NR3C1: variants seen among roughly 807,000 people sequenced by gnomAD.
The protein encoded by NR3C1 is nuclear receptor subfamily 3 group C member 1.
NR3C1 carries 14 observed loss-of-function variants against 74.0 expected under a neutral mutation model. The ratio of observed to expected loss-of-function variants is 0.19; its 90% CI spans 0.12 to 0.30. The LOEUF is 0.30. NR3C1 is among the 10% of genes least tolerant of loss of function. The pLI is 1.00. For synonymous variants in NR3C1, 308 were observed against 332.5 expected (o/e 0.93, Z 0.80); for missense variants, 695 against 909.8 (o/e 0.76, Z 3.04).
chr5:143,388,169 G>A (rs1433574891), intron 2 of NR3C1, among the ~76,000 whole-genome samples: 2 of 152,134 alleles, frequency 1.3e-5, no homozygotes, highest in Non-Finnish European at 2.9e-5. Context: ...AAGAAATTAT[G>A]AAAAGCAATC....
At chr5:143,350,270 G>A (rs1829998385) in intron 2 of NR3C1, among the ~76,000 whole-genome samples, 1 of 152,146 alleles carries the variant, frequency 6.6e-6, no homozygotes, top group Admixed American at 6.5e-5. Context: ...TCAAGATGAT[G>A]ATGCAGTCAT....
At chr5:143,385,389 G>C (rs1837011756) in intron 2 of NR3C1, among the ~76,000 whole-genome samples, 1 of 152,162 alleles carries the variant, frequency 6.6e-6, no homozygotes, top group African/African-American at 2.4e-5. Flanking sequence ...CCAGAAAATA[G>C]GTTTTTCTTT....
At chr5:143,366,489 G>T (rs1833217707) in intron 2 of NR3C1, among the ~76,000 whole-genome samples, 1 of 147,272 alleles carries the variant, frequency 6.8e-6, no homozygotes, top group Non-Finnish European at 1.5e-5. Context: ...TAGACTGGGT[G>T]ACAAGATGGA....
At chr5:143,345,094 C>T (rs1829016054) in intron 2 of NR3C1, among the ~76,000 whole-genome samples, 1 of 152,044 alleles carries the variant, frequency 6.6e-6, no homozygotes, top group Non-Finnish European at 1.5e-5. Context: ...TTGAGTGCAC[C>T]CTACAATGGG....
intron 1 of NR3C1, among the ~76,000 whole-genome samples, chr5:143,424,828 C>T (rs994274643): frequency 2.0e-5 from 3 of 152,162 alleles, no homozygotes; most frequent in Non-Finnish European, 4.4e-5. Flanking sequence ...AAAGCACCTA[C>T]TACATACCAA....
Position 143,400,406 on chromosome 5 carries a change from G to C in NR3C1, c.434C>G (p.Thr145Ser), listed in dbSNP as rs1374809402. The C allele has an allele frequency of 6.2e-7, 1 of 1,614,208 alleles. No homozygotes were observed. Among genetic ancestry groups the C allele is most frequent in the African/African-American group, 1.3e-5 (1 of 75,058 alleles). The change falls in exon 2 of 9, where the codon ACT becomes AGT. Residue 145 changes from threonine (T) to serine (S), a missense_variant. Around this residue, in one of 4 missense-constraint regions of NR3C1, gnomAD observed 497 missense variants for 489.5 expected, o/e 1.02. Coordinates refer to ENST00000394464, the MANE Select transcript of NR3C1 (RefSeq NM_000176.3). ...VPENPKSSASTAVSAAPTEKE... is the reference protein window; with the variant it reads ...VPENPKSSASSAVSAAPTEKE... The stretch of plus-strand genomic sequence containing the variant: ...CTCTGTGGGGGCAGCAGACACAGCA[G>C]TGGATGCTGAACTCTTGGGGTTCTC...
intron 1 of NR3C1, among the ~76,000 whole-genome samples, chr5:143,417,896 C>T (rs370633054): frequency 4.6e-5 from 7 of 152,322 alleles, no homozygotes; most frequent in African/African-American, 1.4e-4. Flanking sequence ...TTACATATCA[C>T]TGTGGGATTT....
intron 4 of NR3C1, among the ~76,000 whole-genome samples, chr5:143,308,928 C>T (rs1820241252): frequency 6.6e-6 from 1 of 152,164 alleles, no homozygotes; most frequent in Non-Finnish European, 1.5e-5. Context: ...TCACCACTAC[C>T]TTCACAGAAC....
At chr5:143,340,824 A>G (rs1430576628) in intron 2 of NR3C1, among the ~76,000 whole-genome samples, 1 of 152,096 alleles carries the variant, frequency 6.6e-6, no homozygotes, top group African/African-American at 2.4e-5. Flanking sequence ...TTTACCAAAT[A>G]TATATTTTTA....
intron 1 of NR3C1, among the ~76,000 whole-genome samples, chr5:143,426,532 T>C (rs1273635119): frequency 2.0e-5 from 3 of 152,230 alleles, no homozygotes; most frequent in Admixed American, 2.0e-4. Flanking sequence ...GTGTTTTGCA[T>C]TCTAGTCGAA....
intron 8 of NR3C1, 29 bp from the exon 9 acceptor site, chr5:143,282,070 G>C: frequency 8.1e-6 from 13 of 1,612,862 alleles, no homozygotes; most frequent in Middle Eastern, 1.7e-4. Context: ...TAATGATCAG[G>C]CTTCCAAATT....
intron 7 of NR3C1, among the ~76,000 whole-genome samples, chr5:143,285,915 CAAGCTGGTTCTATGAAA>C (rs1814312822): frequency 6.8e-6 from 1 of 147,416 alleles, no homozygotes; most frequent in African/African-American, 2.5e-5. Flanking sequence ...AAATCAAGAC[CAAGCTGGTTCTATGAAA>C]ACATTGGTAA....
chr5:143,301,867 C>T (rs573748896), intron 4 of NR3C1, among the ~76,000 whole-genome samples: 32 of 152,078 alleles, frequency 2.1e-4, no homozygotes, highest in African/African-American at 7.0e-4. Context: ...GTGGTGGGAA[C>T]GATATCTCAA....
intron 1 of NR3C1, among the ~76,000 whole-genome samples, chr5:143,434,285 C>A (rs1204236607): frequency 6.6e-6 from 1 of 152,164 alleles, no homozygotes; most frequent in African/African-American, 2.4e-5. Flanking sequence ...ATCTTCATTG[C>A]CTACAATAGC....
chr5:143,415,785 G>A (rs1841456896), intron 1 of NR3C1, among the ~76,000 whole-genome samples: 1 of 152,190 alleles, frequency 6.6e-6, no homozygotes, highest in Non-Finnish European at 1.5e-5. Context: ...TCAGGCAAAT[G>A]TGATTTGCAA....
Position 143,300,776 on chromosome 5 carries a change from A to G in NR3C1, c.1469-13T>C, listed in dbSNP as rs767207880. On this transcript the variant is annotated splice_polypyrimidine_tract_variant and intron_variant, in intron 4 of 8. Coordinates refer to ENST00000394464, the MANE Select transcript of NR3C1 (RefSeq NM_000176.3). The surrounding 1 kb of genome is among the most constrained non-coding windows in gnomAD (Gnocchi z 5.2). ...TTTGTTTTTCGAGCTGTGGGTATTT[A>G]AACAAATACATAGAAATGAACTGTA... 5 of 1,611,626 alleles carry G rather than the reference A, an allele frequency of 3.1e-6. No homozygotes were observed. In the Admixed American group the frequency reaches 8.3e-5, roughly 27 times the overall value.
At chr5:143,428,429 G>A (rs1465208874) in intron 1 of NR3C1, among the ~76,000 whole-genome samples, 2 of 152,158 alleles carry the variant, frequency 1.3e-5, no homozygotes, top group Admixed American at 6.5e-5. Context: ...CTTCCCTTCT[G>A]CTTTTAGGAT....
At chr5:143,348,816 C>T (rs1829745876) in intron 2 of NR3C1, among the ~76,000 whole-genome samples, 1 of 152,050 alleles carries the variant, frequency 6.6e-6, no homozygotes, top group Admixed American at 6.6e-5. Context: ...AATAGAAACA[C>T]ACATGAAACA....
intron 2 of NR3C1, among the ~76,000 whole-genome samples, chr5:143,354,978 T>TA (rs1830882203): frequency 7.1e-6 from 1 of 140,144 alleles, no homozygotes; most frequent in Admixed American, 7.0e-5. Flanking sequence ...TCGTAACAGA[T>TA]ACAAAAATGA....
Sources: allele counts gnomAD v4.1 joint callset (sites outside exome capture counted in the v4.1 genomes callset), GRCh38; gene constraint gnomAD v4.1.1; regional missense constraint gnomAD v4.1.1; non-coding constraint Gnocchi (gnomAD v3.1); transcripts MANE v1.5; gene names NCBI Gene and HGNC (gene_info 2026-07-23, HGNC 2026-07-21).